The following ARL17B variants were observed in gnomAD, a reference collection of about 807,000 sequenced individuals.
ARL17B encodes ARF like GTPase 17B, also known as ADP-ribosylation factor-like protein 17.
At chr17:46,352,041 G>C (rs1216450207) in intron 3 of ARL17B, among the ~76,000 whole-genome samples, 2 of 151,502 alleles carry the variant, frequency 1.3e-5, no homozygotes, top group Non-Finnish European at 1.5e-5. Flanking sequence ...TTCGAGACCA[G>C]CCTGACCAAC....
chr17:46,283,148 A>C (rs1340974236), intron 4 of ARL17B, among the ~76,000 whole-genome samples: 1 of 152,216 alleles, frequency 6.6e-6, no homozygotes, highest in African/African-American at 2.4e-5. Context: ...CCGAGTATGC[A>C]CAATTCAACT....
intron 2 of ARL17B, among the ~76,000 whole-genome samples, chr17:46,356,888 T>C (rs2052922677): frequency 5.2e-5 from 1 of 19,236 alleles, no homozygotes; most frequent in Non-Finnish European, 8.9e-5. Context: ...AAGTTGAAAG[T>C]TGATCATTTG....
intron 4 of ARL17B, among the ~76,000 whole-genome samples, chr17:46,285,390 G>A (rs1402015535): frequency 7.2e-5 from 11 of 151,918 alleles, no homozygotes; most frequent in African/African-American, 2.2e-4. Flanking sequence ...ACAGGCTCAC[G>A]CCACCACACC....
At chr17:46,290,024 T>G (rs1488354824) in intron 4 of ARL17B, among the ~76,000 whole-genome samples, 5 of 152,238 alleles carry the variant, frequency 3.3e-5, no homozygotes, top group African/African-American at 1.2e-4. Context: ...AAGGCTGAGG[T>G]TGGAGGCTCC....
intron 4 of ARL17B, among the ~76,000 whole-genome samples, chr17:46,283,959 A>G (rs1435299467): frequency 1.3e-5 from 2 of 152,278 alleles, no homozygotes; most frequent in African/African-American, 4.8e-5. Flanking sequence ...TCAATGCCTT[A>G]CAAAGCAGTA....
At position 46,336,089 on chromosome 17, in the gene ARL17B, G is replaced by A. The variant is rs1191755043; in HGVS notation, c.*3411C>T. ...TGGGAAAGGGGAAGGGAAGGCCACC[G>A]GGTGTGAGAGAGAGGGCACTTGTCT... On this transcript the variant is annotated 3_prime_UTR_variant, in exon 4 of 4. Transcript: ENST00000450673. Among the ~76,000 whole-genome samples the A allele has an allele frequency of 5.7e-5, 1 of 17,612 alleles. No individual in the cohort carries two copies. The highest frequency in any genetic ancestry group is 6.2e-5 in the African/African-American group (1 of 16,062). 11.6% of individuals were successfully genotyped at this position (17,612 alleles called of 152,430 possible). A position where few individuals can be genotyped will look rare whatever the true frequency, so the allele number is the denominator to read the frequency against.
At chr17:46,279,694 T>C (rs2049706781) in intron 4 of ARL17B, among the ~76,000 whole-genome samples, 1 of 151,830 alleles carries the variant, frequency 6.6e-6, no homozygotes, top group Admixed American at 6.6e-5. Context: ...TGGGGTTTCC[T>C]CATGTTGCCC....
intron 3 of ARL17B, among the ~76,000 whole-genome samples, chr17:46,307,793 A>T (rs1222227204): frequency 1.3e-5 from 1 of 78,994 alleles, no homozygotes; most frequent in African/African-American, 3.2e-5. Flanking sequence ...TGGGTGGATC[A>T]CCTGAGGTCA....
chr17:46,279,488 TTTTC>T (rs1287102614), intron 4 of ARL17B, among the ~76,000 whole-genome samples: 18 of 148,166 alleles, frequency 1.2e-4, no homozygotes, highest in African/African-American at 3.5e-4. Flanking sequence ...CTGGCCTTTT[TTTTC>T]TTTCTTTCTT....
intron 3 of ARL17B, chr17:46,305,429 A>C (rs1371463481): frequency 2.6e-6 from 1 of 385,038 alleles, no homozygotes; most frequent in African/African-American, 2.0e-5. Context: ...ATAGGTATTC[A>C]GTATTATTCT....
At chr17:46,284,310 C>G (rs2143392342) in intron 4 of ARL17B, among the ~76,000 whole-genome samples, 1 of 152,356 alleles carries the variant, frequency 6.6e-6, no homozygotes, top group Admixed American at 6.5e-5. Context: ...TCCCTGGGCA[C>G]TTGACATTAG....
intron 4 of ARL17B, among the ~76,000 whole-genome samples, chr17:46,281,660 T>C (rs1336545945): frequency 6.6e-6 from 1 of 152,166 alleles, no homozygotes; most frequent in East Asian, 1.9e-4. Context: ...TTTTTCTTCT[T>C]CTTTTGTGAG....
intron 4 of ARL17B, among the ~76,000 whole-genome samples, chr17:46,283,158 T>C (rs2049815363): frequency 6.6e-6 from 1 of 152,216 alleles, no homozygotes. Flanking sequence ...ACAATTCAAC[T>C]GTAATAGATA....
At chr17:46,283,648 G>A (rs559647756) in intron 4 of ARL17B, among the ~76,000 whole-genome samples, 1 of 152,336 alleles carries the variant, frequency 6.6e-6, no homozygotes, top group Non-Finnish European at 1.5e-5. Context: ...ACCTGTGGGT[G>A]TTTCTCGTTA....
chr17:46,276,790 C>CTTTTTTTTTTT (rs75549659), intron 4 of ARL17B, among the ~76,000 whole-genome samples: 2 of 134,316 alleles, frequency 1.5e-5, no homozygotes, highest in Admixed American at 7.7e-5. Context: ...TTCTTTTTTT[C>CTTTTTTTTTTT]TTTTTTTTTT....
intron 4 of ARL17B, among the ~76,000 whole-genome samples, chr17:46,285,556 A>G (rs983071552): frequency 6.6e-6 from 1 of 152,176 alleles, no homozygotes; most frequent in African/African-American, 2.4e-5. Flanking sequence ...TCTGTCTTTC[A>G]TAAGGAAAAT....
At chr17:46,343,328 G>GTACATAAC (rs2052569553) in intron 3 of ARL17B, among the ~76,000 whole-genome samples, 1 of 149,266 alleles carries the variant, frequency 6.7e-6, no homozygotes, top group Non-Finnish European at 1.5e-5. Flanking sequence ...GGTACATGTG[G>GTACATAAC]AAGATTTTAG....
In ARL17B at chr17:46,305,035, ATT is replaced by A. The variant is rs1183070261; in HGVS notation, c.260-5372_260-5371del. 9.5e-5 allele frequency among the ~76,000 whole-genome samples: 6 copies of A among 63,222 alleles called. No individual in the cohort carries two copies. In the Admixed American group the frequency reaches 1.2e-3, roughly 13 times the overall value. The allele number at this position is 63,222 out of a possible 152,430, so 41.5% of individuals were successfully genotyped here. A position where few individuals can be genotyped will look rare whatever the true frequency, so the allele number is the denominator to read the frequency against. On this transcript the variant is annotated intron_variant, in intron 3 of 4. Transcript: ENST00000434041. ...AGGCACGTGCCACTAGGCCCGGCTA[ATT>A]TTTTTTTTTTTTTTGTAGAGACAGG...
chr17:46,333,232 G>A (rs185735972), downstream of ARL17B, among the ~76,000 whole-genome samples: 2 of 64,646 alleles, frequency 3.1e-5, no homozygotes, highest in Admixed American at 2.8e-4. Flanking sequence ...CTGGTGAGGA[G>A]GAACGTCTCA....
Sources: allele counts gnomAD v4.1 joint callset (sites outside exome capture counted in the v4.1 genomes callset), GRCh38; gene constraint gnomAD v4.1.1; transcripts MANE v1.5; gene names NCBI Gene and HGNC (gene_info 2026-07-23, HGNC 2026-07-21).